Variants in LRRTM4 observed in about 807,000 individuals in gnomAD.
The protein encoded by LRRTM4 is leucine-rich repeat transmembrane neuronal protein 4.
LRRTM4 carries 25 observed loss-of-function variants against 47.6 expected under a neutral mutation model. The ratio of observed to expected loss-of-function variants is 0.53; its 90% confidence interval spans 0.38 to 0.73. LRRTM4 has a LOEUF of 0.73. Among genes scored for constraint, LRRTM4 ranks in the 30% least tolerant of loss-of-function variants. The pLI is 0.00. For synonymous variants in LRRTM4, 311 were observed against 269.5 expected (o/e 1.15, Z -1.51); for missense variants, 638 against 713.4 (o/e 0.89, Z 1.20).
At chr2:77,445,259 T>C (rs973499062) in intron 3 of LRRTM4, among the ~76,000 whole-genome samples, 8 of 151,890 alleles carry the variant, frequency 5.3e-5, no homozygotes, top group Non-Finnish European at 7.4e-5. Flanking sequence ...ATAGTATACT[T>C]ACCTCCCAGA....
At chr2:77,247,139 T>A (rs1675469667) in intron 3 of LRRTM4, among the ~76,000 whole-genome samples, 6 of 152,102 alleles carry the variant, frequency 3.9e-5, no homozygotes, top group Admixed American at 3.9e-4. Flanking sequence ...AACATTTTGT[T>A]TAACAGAAGT....
chr2:76,825,608 T>G (rs2103874119), intron 3 of LRRTM4, among the ~76,000 whole-genome samples: 1 of 151,756 alleles, frequency 6.6e-6, no homozygotes, highest in East Asian at 1.9e-4. Context: ...GGTAAGATGA[T>G]GGATAGACAG....
intron 3 of LRRTM4, among the ~76,000 whole-genome samples, chr2:77,025,400 G>T (rs896232850): frequency 6.6e-6 from 1 of 152,122 alleles, no homozygotes; most frequent in Non-Finnish European, 1.5e-5. Flanking sequence ...GAGGTCTTGG[G>T]TATGCTGAGA....
intron 3 of LRRTM4, among the ~76,000 whole-genome samples, chr2:77,005,063 T>C (rs1160917066): frequency 2.0e-5 from 3 of 151,862 alleles, no homozygotes; most frequent in Admixed American, 6.6e-5. Flanking sequence ...TCGTCTGCAA[T>C]GAGATTTTGG....
intron 3 of LRRTM4, among the ~76,000 whole-genome samples, chr2:76,900,689 T>G (rs934247220): frequency 6.6e-6 from 1 of 152,088 alleles, no homozygotes; most frequent in Non-Finnish European, 1.5e-5. Flanking sequence ...CTGAAAAAAA[T>G]GGGACACTTT....
chr2:77,207,220 C>A (rs1674152059), intron 3 of LRRTM4, among the ~76,000 whole-genome samples: 1 of 131,642 alleles, frequency 7.6e-6, no homozygotes, highest in Non-Finnish European at 1.5e-5. Context: ...AAAATATATA[C>A]ACATATGTGT....
intron 3 of LRRTM4, among the ~76,000 whole-genome samples, chr2:76,794,618 T>G (rs992049913): frequency 6.6e-6 from 1 of 152,324 alleles, no homozygotes; most frequent in Non-Finnish European, 1.5e-5. Context: ...CAAAAAGCAA[T>G]AATTTTATCT....
At chr2:77,401,043 G>T (rs1297876363) in intron 3 of LRRTM4, among the ~76,000 whole-genome samples, 1 of 151,854 alleles carries the variant, frequency 6.6e-6, no homozygotes, top group South Asian at 2.1e-4. Context: ...ATAAGTAATT[G>T]CAACAGCGAC....
At chr2:77,091,059 C>A in intron 3 of LRRTM4, among the ~76,000 whole-genome samples, 1 of 152,072 alleles carries the variant, frequency 6.6e-6, no homozygotes. Context: ...CTCCCCAACT[C>A]TGGTGCCAGC....
At chr2:77,013,337 T>C (rs547463356) in intron 3 of LRRTM4, among the ~76,000 whole-genome samples, 4 of 152,244 alleles carry the variant, frequency 2.6e-5, no homozygotes, top group Admixed American at 6.5e-5. Flanking sequence ...GAGAAAGTGA[T>C]TGTCATTCTC....
rs115317799 is a variant in LRRTM4 at position 76,960,269 on chromosome 2, G to A, written c.1552-211353C>T. On this transcript the variant is annotated intron_variant, in intron 3 of 3. Transcript: ENST00000409884. ...TATCAGCTAGTTATAACAATGCTAC[G>A]AGAGAGATAACAGTATATGTATTTG... Among the ~76,000 whole-genome samples the A allele has an allele frequency of 7.0e-3, 1,062 of 151,602 alleles. 6 individuals carry two copies. The highest frequency in any genetic ancestry group is 0.01 in the Non-Finnish European group (702 of 67,706).
At chr2:76,776,609 G>A (rs1167816975) in intron 3 of LRRTM4, among the ~76,000 whole-genome samples, 1 of 151,818 alleles carries the variant, frequency 6.6e-6, no homozygotes, top group East Asian at 1.9e-4. Flanking sequence ...AGGGTTGTTT[G>A]TTTTTTTCTT....
At chr2:77,114,261 C>G (rs185406356) in intron 3 of LRRTM4, among the ~76,000 whole-genome samples, 29 of 152,290 alleles carry the variant, frequency 1.9e-4, no homozygotes, top group Admixed American at 1.2e-3. Flanking sequence ...TGCACCAACA[C>G]TATCCCATTG....
intron 3 of LRRTM4, among the ~76,000 whole-genome samples, chr2:77,350,690 G>A (rs917857444): frequency 7.2e-5 from 11 of 151,970 alleles, no homozygotes; most frequent in African/African-American, 2.7e-4. Flanking sequence ...CAAAATAGAA[G>A]AACTCTTGTA....
At chr2:77,426,330 G>A (rs564113770) in intron 3 of LRRTM4, among the ~76,000 whole-genome samples, 2 of 151,964 alleles carry the variant, frequency 1.3e-5, no homozygotes, top group African/African-American at 2.4e-5. Flanking sequence ...CTACATACAT[G>A]TACCCCCCAG....
Position 77,388,486 on chromosome 2 carries a change from G to C in LRRTM4, c.1551+129832C>G, listed in dbSNP as rs17014041. Among the ~76,000 whole-genome samples the C allele has an allele frequency of 3.3e-5, 5 of 152,084 alleles. No homozygotes were observed. The East Asian group carries it at 9.7e-4, about 29-fold the overall frequency. ...TTGTCTCTTTTCTTCACTTTACTGC[G>C]GCCATTAAACTATTTTTTTCCATGC... On this transcript the variant is annotated intron_variant, in intron 3 of 3. Coordinates refer to ENST00000409884, the MANE Select transcript of LRRTM4 (RefSeq NM_001134745.3).
intron 3 of LRRTM4, among the ~76,000 whole-genome samples, chr2:77,348,397 A>G (rs1168838905): frequency 1.3e-5 from 2 of 151,232 alleles, no homozygotes; most frequent in African/African-American, 4.8e-5. Context: ...ATTTGTTGAA[A>G]ATGAAATATA....
intron 3 of LRRTM4, among the ~76,000 whole-genome samples, chr2:77,111,512 C>T (rs1333904375): frequency 6.6e-6 from 1 of 151,952 alleles, no homozygotes; most frequent in Non-Finnish European, 1.5e-5. Flanking sequence ...ATAAAAGATT[C>T]CAGAAATAAA....
At chr2:76,861,189 C>T (rs1672301499) in intron 3 of LRRTM4, among the ~76,000 whole-genome samples, 1 of 152,056 alleles carries the variant, frequency 6.6e-6, no homozygotes, top group Non-Finnish European at 1.5e-5. Flanking sequence ...GTTATTTCAA[C>T]CCTACCAATC....
Sources: gnomAD v4.1 joint callset for allele counts (sites outside exome capture counted in the v4.1 genomes callset) on GRCh38, gnomAD v4.1.1 for gene constraint, MANE v1.5 for transcripts, NCBI Gene and HGNC (gene_info 2026-07-23, HGNC 2026-07-21) for gene names.